The following ARHGAP28 variants were observed in gnomAD, a reference collection of about 807,000 sequenced individuals.
ARHGAP28 encodes rho GTPase-activating protein 28.
In ARHGAP28, 56 loss-of-function variants were observed where a neutral mutation model predicts 90.7. The ratio of observed to expected loss-of-function variants is 0.62; its 90% CI spans 0.50 to 0.77. The LOEUF (loss-of-function observed/expected upper bound fraction) is 0.77. Ranked by LOEUF, ARHGAP28 falls within the 30% of genes least tolerant of loss-of-function variation. The pLI, the probability that ARHGAP28 is intolerant of heterozygous loss-of-function variation, is 0.00. For synonymous variants in ARHGAP28, 308 were observed against 323.3 expected (o/e 0.95, Z 0.51); for missense variants, 869 against 900.9 (o/e 0.96, Z 0.45).
intron 2 of ARHGAP28, among the ~76,000 whole-genome samples, chr18:6,830,264 A>T (rs1417896472): frequency 6.6e-6 from 1 of 152,058 alleles, no homozygotes; most frequent in Non-Finnish European, 1.5e-5. Flanking sequence ...TGTGCTACCA[A>T]ATTCTGGATT....
chr18:6,841,162 T>A (rs2056809985), intron 3 of ARHGAP28, among the ~76,000 whole-genome samples: 3 of 102,410 alleles, frequency 2.9e-5, no homozygotes, highest in Non-Finnish European at 6.3e-5. Context: ...CCTCTTTCTC[T>A]CTCTCCTCTC....
rs2057402931 is a variant in ARHGAP28 at position 6,912,127 on chromosome 18, G to A, written c.2163G>A (p.Trp721Ter). The A allele has an allele frequency of 6.2e-7, 1 of 1,606,756 alleles. No individual in the cohort carries two copies. Among genetic ancestry groups the A allele is most frequent in the African/African-American group, 1.3e-5 (1 of 74,838 alleles). The part of the protein sequence containing the change: ...DVYRINPQAE[W>*]VIKPQQSS ...ATCGTATAAATCCTCAAGCAGAATG[G>A]GTGATTAAACCCCAACAAAGTTCTT... The change falls in exon 18 of 18, where the codon TGG becomes TGA. Residue 721 changes from tryptophan to a stop codon, truncating the protein, a stop_gained. Transcript: ENST00000383472. LOFTEE classifies it high-confidence loss of function.
chr18:6,898,528 C>A, intron 16 of ARHGAP28: 2 of 1,613,986 alleles, frequency 1.2e-6, no homozygotes, highest in Non-Finnish European at 1.7e-6. Flanking sequence ...AACAGGAGCC[C>A]CAAACATGTA....
intron 15 of ARHGAP28, among the ~76,000 whole-genome samples, chr18:6,895,192 T>G (rs2057296116): frequency 6.6e-6 from 1 of 152,088 alleles, no homozygotes; most frequent in East Asian, 1.9e-4. Context: ...TCTGGGGAGC[T>G]GGATGAAATA....
intron 16 of ARHGAP28, among the ~76,000 whole-genome samples, chr18:6,900,829 A>G (rs969833461): frequency 2.6e-5 from 4 of 152,250 alleles, no homozygotes; most frequent in African/African-American, 9.6e-5. Flanking sequence ...CAGTGAACCC[A>G]AATGGGATAA....
intron 14 of ARHGAP28, among the ~76,000 whole-genome samples, chr18:6,894,421 C>A (rs1326982115): frequency 1.3e-5 from 2 of 152,174 alleles, no homozygotes; most frequent in Non-Finnish European, 2.9e-5. Context: ...ATGTAGCATA[C>A]AGGAAACACT....
intron 4 of ARHGAP28, among the ~76,000 whole-genome samples, chr18:6,857,465 A>C (rs1287731872): frequency 6.6e-6 from 1 of 152,260 alleles, no homozygotes; most frequent in Non-Finnish European, 1.5e-5. Context: ...AATGTGTGGC[A>C]ATCTGTGATG....
intron 17 of ARHGAP28, among the ~76,000 whole-genome samples, chr18:6,910,536 G>C (rs72892904): frequency 1.3e-5 from 2 of 151,882 alleles, no homozygotes. Flanking sequence ...CCCCCAGACA[G>C]CCTCACTTCT....
intron 1 of ARHGAP28, among the ~76,000 whole-genome samples, chr18:6,799,704 A>G (rs2056468193): frequency 6.6e-6 from 1 of 152,018 alleles, no homozygotes; most frequent in Non-Finnish European, 1.5e-5. Flanking sequence ...ACTGGACCGC[A>G]TCTTAACTCA....
intron 16 of ARHGAP28, among the ~76,000 whole-genome samples, chr18:6,903,629 G>A (rs966346483): frequency 6.6e-6 from 1 of 151,830 alleles, no homozygotes; most frequent in Admixed American, 6.6e-5. Flanking sequence ...TCAGGAGTTC[G>A]AGATCAGTCT....
intron 4 of ARHGAP28, among the ~76,000 whole-genome samples, chr18:6,853,281 TG>T (rs2056924654): frequency 6.6e-6 from 1 of 152,152 alleles, no homozygotes; most frequent in South Asian, 2.1e-4. Flanking sequence ...AAGAGGGGGT[TG>T]GACATGCCTC....
chr18:6,729,821 G>C lies in ARHGAP28; in HGVS notation c.-1G>C. 2 of 1,415,480 alleles carry C rather than the reference G, an allele frequency of 1.4e-6. 1 individual carries two copies. Among genetic ancestry groups the C allele is most frequent in the South Asian group, 3.0e-5 (2 of 67,024 alleles). The allele number at this position is 1,415,480 out of a possible 1,614,324, so 87.7% of individuals were successfully genotyped here. A position where few individuals can be genotyped will look rare whatever the true frequency, so the allele number is the denominator to read the frequency against. On this transcript the variant is annotated 5_prime_UTR_variant, in exon 1 of 18. Transcript: ENST00000383472. The stretch of plus-strand genomic sequence containing the variant: ...CGGCGCCGAGACATGCGCGGCTGAC[G>C]ATGGAGGTGGAGGACTCGGGCGGCG...
At chr18:6,839,134 A>G (rs77777570) in intron 3 of ARHGAP28, among the ~76,000 whole-genome samples, 1,711 of 152,272 alleles carry the variant, frequency 0.011, 35 homozygotes, top group African/African-American at 0.039. Context: ...AGACTCCACA[A>G]CAACAACCAA....
intron 1 of ARHGAP28, among the ~76,000 whole-genome samples, chr18:6,821,134 G>C (rs1371908818): frequency 6.6e-6 from 1 of 152,138 alleles, no homozygotes; most frequent in Non-Finnish European, 1.5e-5. Flanking sequence ...TATTCTGTAA[G>C]ATATTTACAC....
intron 14 of ARHGAP28, among the ~76,000 whole-genome samples, chr18:6,892,603 T>C (rs1164510951): frequency 2.6e-5 from 4 of 152,210 alleles, no homozygotes; most frequent in African/African-American, 9.6e-5. Flanking sequence ...TATTATAATG[T>C]AGCAACTTTG....
chr18:6,818,190 A>G (rs2056604360), intron 1 of ARHGAP28, among the ~76,000 whole-genome samples: 1 of 152,198 alleles, frequency 6.6e-6, no homozygotes, highest in African/African-American at 2.4e-5. Context: ...TAGTTTGTTC[A>G]AGATTGTAGA....
intron 16 of ARHGAP28, among the ~76,000 whole-genome samples, chr18:6,903,604 G>A (rs567303688): frequency 3.0e-4 from 45 of 151,714 alleles, no homozygotes; most frequent in African/African-American, 9.4e-4. Flanking sequence ...AGGCCGAGGC[G>A]GGTGGATCAT....
intron 1 of ARHGAP28, chr18:6,789,931 G>A (rs894649814): frequency 4.6e-5 from 7 of 151,794 alleles, no homozygotes; most frequent in African/African-American, 1.5e-4. Context: ...AGGTTAAAGT[G>A]ATTCTCATGC....
chr18:6,878,495 T>TA (rs908536592), intron 10 of ARHGAP28, among the ~76,000 whole-genome samples: 33 of 149,500 alleles, frequency 2.2e-4, no homozygotes, highest in East Asian at 5.9e-4. Flanking sequence ...TAAAGTATAA[T>TA]AAAAAAAAAA....
Sources: gnomAD v4.1 joint callset for allele counts (sites outside exome capture counted in the v4.1 genomes callset) on GRCh38, gnomAD v4.1.1 for gene constraint, MANE v1.5 for transcripts, NCBI Gene and HGNC (gene_info 2026-07-23, HGNC 2026-07-21) for gene names.